EPHB2: variants seen among roughly 807,000 people sequenced by gnomAD.
The protein encoded by EPHB2 is EPH receptor B2.
EPHB2 carries 18 observed loss-of-function variants against 96.4 expected under a neutral mutation model. The ratio of observed to expected loss-of-function variants is 0.19; its 90% CI spans 0.13 to 0.28. The LOEUF is 0.28. Ranked by LOEUF, EPHB2 falls within the 10% of genes least tolerant of loss-of-function variation. EPHB2 has a pLI of 1.00. For missense variants in EPHB2, 989 were observed against 1,355.4 expected (o/e 0.73, Z 4.25); for synonymous variants, 506 against 534.1 (o/e 0.95, Z 0.72).
chr1:22,804,918 C>T (rs1320349177), intron 3 of EPHB2, among the ~76,000 whole-genome samples: 2 of 152,068 alleles, frequency 1.3e-5, no homozygotes, highest in Non-Finnish European at 2.9e-5. Flanking sequence ...CTCCCCATTT[C>T]CTTCTCTAAG....
At chr1:22,720,307 GC>G (rs1381593277) in intron 1 of EPHB2, among the ~76,000 whole-genome samples, 2 of 152,126 alleles carry the variant, frequency 1.3e-5, no homozygotes, top group African/African-American at 4.8e-5. Flanking sequence ...AATATACTGG[GC>G]TTGATTTTTT....
intron 6 of EPHB2, among the ~76,000 whole-genome samples, chr1:22,886,596 G>A (rs2148557554): frequency 6.6e-6 from 1 of 151,758 alleles, no homozygotes; most frequent in South Asian, 2.1e-4. Context: ...AGTTGGCAGT[G>A]GAGATGGCAA....
In EPHB2 at chr1:22,906,117, G is replaced by T; in HGVS notation, c.1888+8G>T. The T allele has an allele frequency of 3.1e-6, 5 of 1,614,154 alleles. No individual in the cohort carries two copies. The highest frequency in any genetic ancestry group is 4.2e-6 in the Non-Finnish European group (5 of 1,180,020). Reference sequence around the variant, plus strand: ...AGCAGGTGATCGGAGCAGGTAGGTGGCTGGTACTCTCACATGTACTATGAC... The same window carrying T: ...AGCAGGTGATCGGAGCAGGTAGGTGTCTGGTACTCTCACATGTACTATGAC... On this transcript the variant is annotated splice_region_variant and intron_variant, in intron 10 of 15. Transcript: ENST00000374630. The surrounding 1 kb of genome is among the most constrained non-coding windows in gnomAD (Gnocchi z 4.8).
intron 3 of EPHB2, among the ~76,000 whole-genome samples, chr1:22,825,345 A>G (rs1439088907): frequency 6.6e-6 from 1 of 152,198 alleles, no homozygotes; most frequent in Non-Finnish European, 1.5e-5. Flanking sequence ...GGTGATCTGC[A>G]TACACACCTA....
rs1017633688 is a variant in EPHB2 at position 22,906,432 on chromosome 1, C to T, written c.1889-278C>T. Among the ~76,000 whole-genome samples the T allele has an allele frequency of 1.3e-5, 2 of 152,142 alleles. No individual in the cohort carries two copies. Among genetic ancestry groups the T allele is most frequent in the Non-Finnish European group, 2.9e-5 (2 of 68,026 alleles). On this transcript the variant is annotated intron_variant, in intron 10 of 15. Transcript: ENST00000374630. The surrounding 1 kb of genome is among the most constrained non-coding windows in gnomAD (Gnocchi z 4.8). ...TTCCTCCCCCCATGTATCCCAGTGC[C>T]TTTTCCCATCTCCCAGGTTCCCCTG... is the stretch of plus-strand genomic sequence containing the variant.
intron 14 of EPHB2, 28 bp from the exon 15 acceptor site, chr1:22,912,416 C>G: frequency 6.2e-7 from 1 of 1,613,470 alleles, no homozygotes; most frequent in Non-Finnish European, 8.5e-7. Context: ...GTGCCCTGAC[C>G]ATCTCTGTCG....
At chr1:22,845,534 C>T (rs937691983) in intron 3 of EPHB2, among the ~76,000 whole-genome samples, 3 of 152,106 alleles carry the variant, frequency 2.0e-5, no homozygotes, top group Non-Finnish European at 4.4e-5. Flanking sequence ...CCAGTTTTCT[C>T]GAGGATTAGT....
Position 22,784,430 on chromosome 1 carries a change from G to A in EPHB2, c.165G>A (p.Thr55=), listed in dbSNP as rs201427890. 1.7e-5 allele frequency: 27 copies of A among 1,614,160 alleles called. No individual in the cohort carries two copies. The highest frequency in any genetic ancestry group is 2.7e-5 in the African/African-American group (2 of 75,048). ...GTGGCTACGATGAGAACATGAACAC[G>A]ATCCGCACGTACCAGGTGTGCAACG... ...EVSGYDENMN[T]IRTYQVCNVF... Residue 55 remains threonine, a synonymous_variant, in exon 3 of 16, where the codon ACG becomes ACA. Transcript: ENST00000374630. This position sits in a 1 kb window ranked among gnomAD's most constrained non-coding sequence, Gnocchi z 5.1.
At chr1:22,712,201 C>A (rs538967579) in intron 1 of EPHB2, among the ~76,000 whole-genome samples, 1 of 152,290 alleles carries the variant, frequency 6.6e-6, no homozygotes, top group South Asian at 2.1e-4. Flanking sequence ...GGTATGATTC[C>A]TACTTCTCTT....
chr1:22,733,859 C>T lies in EPHB2; in HGVS notation c.61+22816C>T, dbSNP rs1263755192. On this transcript the variant is annotated intron_variant, in intron 1 of 15. Transcript: ENST00000374630. This position sits in a 1 kb window ranked among gnomAD's most constrained non-coding sequence, Gnocchi z 4.6. The stretch of plus-strand genomic sequence containing the variant: ...GTGGGGACAGAGCTAGAAGTTGAAC[C>T]CGGGACTGGATTCTTGACCTGGTAT... Among the ~76,000 whole-genome samples the T allele has an allele frequency of 6.6e-6, 1 of 151,942 alleles. No individual in the cohort carries two copies. The highest frequency in any genetic ancestry group is 2.4e-5 in the African/African-American group (1 of 41,348).
intron 1 of EPHB2, among the ~76,000 whole-genome samples, chr1:22,713,503 A>G (rs1297170962): frequency 6.6e-6 from 1 of 152,104 alleles, no homozygotes; most frequent in Non-Finnish European, 1.5e-5. Context: ...GGTGTTTGTG[A>G]GGATCAGACC....
chr1:22,715,816 G>A lies in EPHB2; in HGVS notation c.61+4773G>A, dbSNP rs141121613. ...TAGAGAAAATGCATAGCCTTCAGGCGCAAACAGACGTGAGTTCAAATCCCA... is the reference window on the plus strand; with the variant it reads ...TAGAGAAAATGCATAGCCTTCAGGCACAAACAGACGTGAGTTCAAATCCCA... On this transcript the variant is annotated intron_variant, in intron 1 of 15. Transcript: ENST00000374630. 9.6e-3 allele frequency among the ~76,000 whole-genome samples: 1,460 copies of A among 152,296 alleles called. 28 individuals carry two copies. Among genetic ancestry groups the A allele is most frequent in the African/African-American group, 0.033 (1,389 of 41,542 alleles).
At chr1:22,825,059 G>C (rs972393123) in intron 3 of EPHB2, among the ~76,000 whole-genome samples, 3 of 152,256 alleles carry the variant, frequency 2.0e-5, no homozygotes, top group African/African-American at 7.2e-5. Context: ...CAGGAGCATA[G>C]TCTGTGACTG....
chr1:22,868,240 C>G (rs183638172), intron 5 of EPHB2, among the ~76,000 whole-genome samples: 1 of 152,024 alleles, frequency 6.6e-6, no homozygotes, highest in Non-Finnish European at 1.5e-5. Context: ...GAGGGGTTTC[C>G]GGGGAATAGG....
intron 3 of EPHB2, among the ~76,000 whole-genome samples, chr1:22,805,046 C>G (rs114335580): frequency 0.2 from 29,495 of 151,036 alleles, 3,013 homozygotes; most frequent in South Asian, 0.34. Context: ...CCCAACCTCC[C>G]CCTCTAGCAA....
chr1:22,715,800 T>A (rs1570137739), intron 1 of EPHB2, among the ~76,000 whole-genome samples: 1 of 152,120 alleles, frequency 6.6e-6, no homozygotes, highest in African/African-American at 2.4e-5. Flanking sequence ...GTAGAGAAAA[T>A]GCATAGCCTT....
In EPHB2 at chr1:22,784,843, T is replaced by C; in HGVS notation, c.578T>C (p.Phe193Ser). ...ATGTCCCTCATCGCCGTGCGTGTCTTCTACCGCAAGTGCCCCCGCATCATC... is the reference window on the plus strand; with the variant it reads ...ATGTCCCTCATCGCCGTGCGTGTCTCCTACCGCAAGTGCCCCCGCATCATC... ...GCMSLIAVRV[F>S]YRKCPRIIQN... Residue 193 changes from phenylalanine to serine, a missense_variant, in exon 3 of 16, where the codon TTC becomes TCC. By Grantham distance (155) the Phe-to-Ser change is radical. Coordinates refer to ENST00000374630, the MANE Select transcript of EPHB2 (RefSeq NM_017449.5). The surrounding 1 kb of genome is among the most constrained non-coding windows in gnomAD (Gnocchi z 5.1). 2 of 1,608,276 alleles carry C rather than the reference T, an allele frequency of 1.2e-6. No homozygotes were observed.
At chr1:22,826,032 C>T (rs923885647) in intron 3 of EPHB2, among the ~76,000 whole-genome samples, 4 of 152,168 alleles carry the variant, frequency 2.6e-5, no homozygotes, top group Non-Finnish European at 4.4e-5. Flanking sequence ...GGCTGGATGC[C>T]AGCTCAGGGA....
intron 14 of EPHB2, 113 bp from the exon 15 acceptor site, chr1:22,912,331 C>A: frequency 1.4e-6 from 2 of 1,479,290 alleles, no homozygotes; most frequent in South Asian, 1.2e-5. Flanking sequence ...CCTGTGTTCA[C>A]ATAAATGGAT....
Sources: gnomAD v4.1 joint callset for allele counts (sites outside exome capture counted in the v4.1 genomes callset) on GRCh38, gnomAD v4.1.1 for gene constraint, Gnocchi (gnomAD v3.1) non-coding constraint, MANE v1.5 for transcripts, NCBI Gene and HGNC (gene_info 2026-07-23, HGNC 2026-07-21) for gene names.